Variants in NSF observed in about 807,000 individuals in gnomAD.
NSF encodes vesicle-fusing ATPase.
A neutral mutation model predicts 50.3 loss-of-function variants in NSF; 14 were observed. The ratio of observed to expected loss-of-function variants is 0.28; its 90% confidence interval spans 0.18 to 0.44. The LOEUF is 0.44. NSF is among the 20% of genes least tolerant of loss of function. The pLI, the probability that NSF is intolerant of heterozygous loss-of-function variation, is 1.00. For synonymous variants in NSF, 109 were observed against 175.7 expected (o/e 0.62, Z 3.00); for missense variants, 218 against 504.3 (o/e 0.43, Z 5.44).
intron 17 of NSF, among the ~76,000 whole-genome samples, chr17:46,745,964 TC>T (rs1160106554): frequency 6.6e-6 from 1 of 152,196 alleles, no homozygotes; most frequent in Non-Finnish European, 1.5e-5. Context: ...CCCTTCATCT[TC>T]CTAATCAACC....
chr17:46,684,488 C>G (rs2058477519), intron 9 of NSF, among the ~76,000 whole-genome samples: 1 of 152,040 alleles, frequency 6.6e-6, no homozygotes, highest in African/African-American at 2.4e-5. Context: ...AATGGTATTT[C>G]TGGTTCTGGA....
At chr17:46,642,624 T>TC (rs1230020723) in intron 7 of NSF, among the ~76,000 whole-genome samples, 1 of 89,954 alleles carries the variant, frequency 1.1e-5, no homozygotes. Context: ...TCAGTATATT[T>TC]CCTTAGGCTG....
chr17:46,738,812 T>C (rs1333826122), intron 17 of NSF, among the ~76,000 whole-genome samples: 1 of 152,246 alleles, frequency 6.6e-6, no homozygotes, highest in African/African-American at 2.4e-5. Flanking sequence ...GTAAGAGAAC[T>C]AAACTGTGGT....
intron 19 of NSF, among the ~76,000 whole-genome samples, chr17:46,753,319 A>G (rs2072579740): frequency 6.6e-6 from 1 of 152,234 alleles, no homozygotes; most frequent in Admixed American, 6.5e-5. Context: ...ACCAATAACA[A>G]ATTGGAAACG....
chr17:46,722,926 GT>G (rs2058847446), intron 15 of NSF, among the ~76,000 whole-genome samples: 1 of 152,210 alleles, frequency 6.6e-6, no homozygotes, highest in Non-Finnish European at 1.5e-5. Context: ...CCCTCTGATA[GT>G]AATTAGCACA....
intron 19 of NSF, among the ~76,000 whole-genome samples, chr17:46,754,927 C>G (rs2059218221): frequency 6.6e-6 from 1 of 152,254 alleles, no homozygotes; most frequent in Admixed American, 6.5e-5. Context: ...GTATCTTCTA[C>G]TTTGCTGTGA....
intron 9 of NSF, among the ~76,000 whole-genome samples, chr17:46,684,765 T>TA (rs1172694100): frequency 7.7e-6 from 1 of 130,466 alleles, no homozygotes; most frequent in Non-Finnish European, 1.6e-5. Context: ...CCTAAAACCG[T>TA]AAAAATCCTA....
intron 13 of NSF, among the ~76,000 whole-genome samples, chr17:46,709,705 G>T (rs964779528): frequency 6.6e-6 from 1 of 151,998 alleles, no homozygotes; most frequent in African/African-American, 2.4e-5. Flanking sequence ...ACGTTGGCCA[G>T]GTTGGTCTGG....
rs756947942 is a variant in NSF at position 46,711,007 on chromosome 17, C to T, written c.1515C>T (p.Asn505=). ...AAGATTATGCAAGTTACATTATGAA[C>T]GGTATCATCAAATGGGGTGACCCAG... ...NQEDYASYIM[N]GIIKWGDPVT... The change falls in exon 14 of 21, where the codon AAC becomes AAT. Residue 505 remains asparagine, a synonymous_variant. Transcript: ENST00000398238. 34 of 1,596,904 alleles carry T rather than the reference C, an allele frequency of 2.1e-5. No individual in the cohort carries two copies. Among genetic ancestry groups the T allele is most frequent in the African/African-American group, 9.5e-5 (7 of 73,884 alleles).
intron 15 of NSF, among the ~76,000 whole-genome samples, chr17:46,715,487 T>C (rs2058759454): frequency 6.6e-6 from 1 of 152,254 alleles, no homozygotes; most frequent in Non-Finnish European, 1.5e-5. Context: ...AAATCATCTA[T>C]TCCTGTGCTT....
intron 3 of NSF, among the ~76,000 whole-genome samples, chr17:46,629,938 C>CGGAAG (rs2058115730): frequency 7.7e-6 from 1 of 130,174 alleles, no homozygotes; most frequent in Admixed American, 8.0e-5. Flanking sequence ...TTGTGGAGGC[C>CGGAAG]GGAAGTCTGA....
chr17:46,667,404 C>A (rs2058345068), intron 8 of NSF, among the ~76,000 whole-genome samples: 1 of 147,558 alleles, frequency 6.8e-6, no homozygotes, highest in Non-Finnish European at 1.5e-5. Flanking sequence ...CCTTTCAATA[C>A]TAAAATGTAC....
rs1177937385 is a variant in NSF, at chr17:46,605,405, G to A, written c.12+14618G>A. Among the ~76,000 whole-genome samples the A allele has an allele frequency of 2.1e-5, 3 of 140,352 alleles. No homozygotes were observed. The East Asian group carries it at 6.1e-4, about 29-fold the overall frequency. 92.1% of individuals were successfully genotyped at this position (140,352 alleles called of 152,430 possible). On this transcript the variant is annotated intron_variant, in intron 1 of 20. Coordinates refer to ENST00000398238, the MANE Select transcript of NSF (RefSeq NM_006178.4). Reference sequence around the variant, plus strand: ...GGAGGTTGCAGTGAGCCGAGATCGTGCCATTGCATGCCAGCCTGGGCAACA... The same window carrying A: ...GGAGGTTGCAGTGAGCCGAGATCGTACCATTGCATGCCAGCCTGGGCAACA...
chr17:46,745,235 T>G (rs925149569), intron 17 of NSF, among the ~76,000 whole-genome samples: 39 of 152,318 alleles, frequency 2.6e-4, no homozygotes, highest in African/African-American at 9.4e-4. Flanking sequence ...CTTTAATATA[T>G]TCGGAGCTGT....
chr17:46,666,053 G>A (rs2058333057), intron 8 of NSF, among the ~76,000 whole-genome samples: 1 of 149,632 alleles, frequency 6.7e-6, no homozygotes, highest in Non-Finnish European at 1.5e-5. Context: ...CAGGGTGTGT[G>A]CTCCCCAAGA....
At chr17:46,635,578 G>A (rs995938920) in intron 4 of NSF, among the ~76,000 whole-genome samples, 1 of 94,742 alleles carries the variant, frequency 1.1e-5, no homozygotes, top group Non-Finnish European at 2.3e-5. Context: ...GACCCATGAT[G>A]TGTAGCAACT....
At chr17:46,737,789 C>G (rs2059023611) in intron 17 of NSF, among the ~76,000 whole-genome samples, 1 of 151,860 alleles carries the variant, frequency 6.6e-6, no homozygotes, top group Admixed American at 6.6e-5. Context: ...GTTTCGGATC[C>G]TGGTCTTGAA....
chr17:46,618,402 GA>G (rs2058045027), intron 1 of NSF, among the ~76,000 whole-genome samples: 1 of 122,706 alleles, frequency 8.1e-6, no homozygotes, highest in African/African-American at 3.4e-5. Flanking sequence ...ATACTTCGTT[GA>G]AAAAATGAGA....
chr17:46,601,719 C>G (rs1406548174), intron 1 of NSF, among the ~76,000 whole-genome samples: 2 of 149,236 alleles, frequency 1.3e-5, no homozygotes, highest in Non-Finnish European at 2.9e-5. Flanking sequence ...TTTCATAATT[C>G]TTTTTGTCCA....
Sources: allele counts gnomAD v4.1 joint callset (sites outside exome capture counted in the v4.1 genomes callset), GRCh38; gene constraint gnomAD v4.1.1; transcripts MANE v1.5; gene names NCBI Gene and HGNC (gene_info 2026-07-23, HGNC 2026-07-21).